NIBAN1: variants seen among roughly 807,000 people sequenced by gnomAD.
NIBAN1 encodes niban apoptosis regulator 1.
In NIBAN1, 81 loss-of-function variants were observed where a neutral mutation model predicts 75.1. The observed-to-expected ratio is 1.08, with a 90% CI of 0.90 to 1.30. NIBAN1 has a LOEUF of 1.30. NIBAN1 is among the 50% of genes most tolerant of loss of function. The probability of loss-of-function intolerance (pLI) is 0.00; values close to 1 mark genes in which losing one functional copy is unlikely to be tolerated. For synonymous variants in NIBAN1, 436 were observed against 424.8 expected, an observed-to-expected ratio of 1.03 and a Z score of -0.32; for missense variants, 1,133 against 1,128.1, an observed-to-expected ratio of 1.00 and a Z score of -0.06.
At chr1:184,917,433 T>C (rs1467975546) in intron 1 of NIBAN1, among the ~76,000 whole-genome samples, 2 of 148,690 alleles carry the variant, frequency 1.3e-5, no homozygotes, top group Non-Finnish European at 3.0e-5. Flanking sequence ...AGGAAGGTCT[T>C]GATCTGACCT....
Position 184,884,616 on chromosome 1 carries a change from G to A in NIBAN1, c.601+17C>T, listed in dbSNP as rs1391921946. The A allele has an allele frequency of 1.9e-6, 3 of 1,612,874 alleles. No individual in the cohort carries two copies. The highest frequency in any genetic ancestry group is 2.7e-5 in the African/African-American group (2 of 74,914). On this transcript the variant is annotated intron_variant, in intron 5 of 13. Coordinates refer to ENST00000367511, the MANE Select transcript of NIBAN1 (RefSeq NM_052966.4). ...CCCACTTCCCGCCCCGGGGATGAGAGGGGAGCCGCGCCATACCATGATTGA... is the reference window on the plus strand; with the variant it reads ...CCCACTTCCCGCCCCGGGGATGAGAAGGGAGCCGCGCCATACCATGATTGA...
chr1:184,957,913 G>A (rs1658531568), intron 1 of NIBAN1, among the ~76,000 whole-genome samples: 1 of 152,156 alleles, frequency 6.6e-6, no homozygotes, highest in Admixed American at 6.5e-5. Flanking sequence ...GTTGCATAAA[G>A]GTATCATTTT....
intron 6 of NIBAN1, among the ~76,000 whole-genome samples, chr1:184,826,973 G>C (rs1322706446): frequency 6.6e-5 from 10 of 151,942 alleles, no homozygotes; most frequent in African/African-American, 2.4e-4. Context: ...TGAATCCTAG[G>C]GGCTGTTTCC....
At chr1:184,855,486 C>T (rs1412942197) in intron 5 of NIBAN1, among the ~76,000 whole-genome samples, 1 of 151,912 alleles carries the variant, frequency 6.6e-6, no homozygotes, top group African/African-American at 2.4e-5. Context: ...ATAGCATTCT[C>T]TATCTCCACA....
At chr1:184,961,024 T>C (rs1658622678) in intron 1 of NIBAN1, among the ~76,000 whole-genome samples, 1 of 147,830 alleles carries the variant, frequency 6.8e-6, no homozygotes, top group Non-Finnish European at 1.5e-5. Flanking sequence ...TTCCTTCAAG[T>C]ACTTCCCCCT....
intron 6 of NIBAN1, among the ~76,000 whole-genome samples, chr1:184,825,493 G>A (rs1234347650): frequency 6.6e-6 from 1 of 152,070 alleles, no homozygotes; most frequent in Non-Finnish European, 1.5e-5. Flanking sequence ...ATTTATGGGA[G>A]GGTATGAGAT....
rs534466707 is a variant in NIBAN1 at position 184,800,417 on chromosome 1, G to A, written c.1555-2227C>T. ...GGCTTTTGTTGCCATTGCTTTTGGCGTTTTAGACATGAAGTCCTTGCCCAT... is the reference window on the plus strand; with the variant it reads ...GGCTTTTGTTGCCATTGCTTTTGGCATTTTAGACATGAAGTCCTTGCCCAT... On this transcript the variant is annotated intron_variant, in intron 12 of 13. Transcript: ENST00000367511. Among the ~76,000 whole-genome samples the A allele has an allele frequency of 3.6e-4, 55 of 151,694 alleles. No homozygotes were observed. In the South Asian group the frequency reaches 9.0e-3, roughly 25 times the overall value.
At chr1:184,959,427 C>G (rs72739653) in intron 1 of NIBAN1, among the ~76,000 whole-genome samples, 6,260 of 152,252 alleles carry the variant, frequency 0.041, 193 homozygotes, top group Middle Eastern at 0.085. Flanking sequence ...GCACATGGAG[C>G]ATATAATGAC....
At chr1:184,864,679 T>A (rs1419618786) in intron 5 of NIBAN1, among the ~76,000 whole-genome samples, 1 of 152,056 alleles carries the variant, frequency 6.6e-6, no homozygotes, top group Non-Finnish European at 1.5e-5. Context: ...AATATTTTAT[T>A]CACAAACTAG....
rs1553215620 is a variant in NIBAN1, at chr1:184,811,501, C to CTTTTTTTTTTTG, written c.1174-3278_1174-3267dup. On this transcript the variant is annotated intron_variant, in intron 9 of 13. Coordinates refer to ENST00000367511, the MANE Select transcript of NIBAN1 (RefSeq NM_052966.4). ...AACAATGCATTGAGGTACTTTCTTC[C>CTTTTTTTTTTTG]TTTTTTTTTTTGTTTTTTTTTTTGA... 9.2e-3 allele frequency among the ~76,000 whole-genome samples: 308 copies of CTTTTTTTTTTTG among 33,530 alleles called. 5 individuals carry two copies. The highest frequency in any genetic ancestry group is 0.077 in the Middle Eastern group (4 of 52). 22.0% of individuals were successfully genotyped at this position (33,530 alleles called of 152,430 possible).
rs749735536 is a variant in NIBAN1 at position 184,795,778 on chromosome 1, G to T, written c.1986C>A (p.Asp662Glu). The stretch of plus-strand genomic sequence containing the variant: ...CTGTTGCCACAGGATTCACCACGGG[G>T]TCATCCACTCTTGAAATAATCACCT... ...TEQVIISRVD[D>E]PVVNPVATED... Residue 662 changes from aspartate (D) to glutamate (E), a missense_variant, in exon 14 of 14, where the codon GAC becomes GAA. By Grantham distance (45) the Asp-to-Glu change is conservative. Transcript: ENST00000367511. The T allele has an allele frequency of 2.5e-6, 4 of 1,611,538 alleles. No homozygotes were observed. Among genetic ancestry groups the T allele is most frequent in the Middle Eastern group, 1.7e-4 (1 of 6,044 alleles).
At chr1:184,964,625 T>C (rs1373999199) in intron 1 of NIBAN1, among the ~76,000 whole-genome samples, 2 of 152,182 alleles carry the variant, frequency 1.3e-5, no homozygotes, top group Non-Finnish European at 2.9e-5. Context: ...CATGCAATGC[T>C]CTTAGCTCAG....
intron 6 of NIBAN1, among the ~76,000 whole-genome samples, chr1:184,828,088 G>A (rs986493728): frequency 1.3e-5 from 2 of 150,562 alleles, no homozygotes; most frequent in Non-Finnish European, 2.9e-5. Context: ...CAGTTGCAAA[G>A]CCCTTTCCCT....
At chr1:184,890,856 A>G (rs765828959) in intron 3 of NIBAN1, among the ~76,000 whole-genome samples, 25 of 152,240 alleles carry the variant, frequency 1.6e-4, no homozygotes, top group Non-Finnish European at 3.1e-4. Flanking sequence ...CACAGAAAAG[A>G]GGCACAGGGC....
chr1:184,967,462 A>T (rs553336336), intron 1 of NIBAN1, among the ~76,000 whole-genome samples: 1 of 152,348 alleles, frequency 6.6e-6, no homozygotes, highest in African/African-American at 2.4e-5. Flanking sequence ...AGGAGATTAA[A>T]GTTCACTGCC....
At chr1:184,811,495 T>G (rs1042451906) in intron 9 of NIBAN1, among the ~76,000 whole-genome samples, 3 of 130,740 alleles carry the variant, frequency 2.3e-5, no homozygotes, top group Non-Finnish European at 3.2e-5. Flanking sequence ...TTGAGGTACT[T>G]TCTTCCTTTT....
At chr1:184,919,723 G>A (rs891314476) in intron 1 of NIBAN1, among the ~76,000 whole-genome samples, 5 of 152,002 alleles carry the variant, frequency 3.3e-5, no homozygotes, top group Non-Finnish European at 5.9e-5. Flanking sequence ...GGAATAAAAC[G>A]CAGCTGCATA....
At chr1:184,821,129 G>C (rs747166816) in intron 8 of NIBAN1, among the ~76,000 whole-genome samples, 11 of 152,170 alleles carry the variant, frequency 7.2e-5, no homozygotes, top group Non-Finnish European at 1.3e-4. Flanking sequence ...TCCTCTCCTT[G>C]TAAAATCACG....
intron 1 of NIBAN1, among the ~76,000 whole-genome samples, chr1:184,969,098 T>C (rs921740019): frequency 1.3e-5 from 2 of 152,212 alleles, no homozygotes; most frequent in Non-Finnish European, 1.5e-5. Flanking sequence ...TACTCCCATT[T>C]AGTTGCAAAG....
Sources: gnomAD v4.1 joint callset for allele counts (sites outside exome capture counted in the v4.1 genomes callset) on GRCh38, gnomAD v4.1.1 for gene constraint, MANE v1.5 for transcripts, NCBI Gene and HGNC (gene_info 2026-07-23, HGNC 2026-07-21) for gene names.